DIDO1: variants seen among roughly 807,000 people sequenced by gnomAD.
DIDO1 encodes death inducer-obliterator 1, also known as death-inducer obliterator 1.
DIDO1 carries 16 observed loss-of-function variants against 99.4 expected under a neutral mutation model. The ratio of observed to expected loss-of-function variants is 0.16; its 90% confidence interval spans 0.11 to 0.24. DIDO1 has a LOEUF of 0.24. DIDO1 is among the 10% of genes least tolerant of loss of function. DIDO1 has a pLI of 1.00. For synonymous variants in DIDO1, 1,366 were observed against 1,239.1 expected (o/e 1.10, Z -2.15); for missense variants, 2,996 against 3,014.0 (o/e 0.99, Z 0.14).
At chr20:62,887,770 T>C (rs1158151055) in intron 15 of DIDO1, 2 of 985,398 alleles carry the variant, frequency 2.0e-6, no homozygotes, top group Non-Finnish European at 2.4e-6. Flanking sequence ...GCCGGGACTC[T>C]GCGACCCCAA....
At chr20:62,887,564 A>G (rs1600918084) in intron 15 of DIDO1, 1 of 985,390 alleles carries the variant, frequency 1.0e-6, no homozygotes, top group Non-Finnish European at 1.2e-6. Flanking sequence ...ATGTTTATGG[A>G]CCGAGGTTAC....
At chr20:62,919,391 T>G (rs2065094973) in intron 1 of DIDO1, among the ~76,000 whole-genome samples, 1 of 151,906 alleles carries the variant, frequency 6.6e-6, no homozygotes, top group Non-Finnish European at 1.5e-5. Context: ...AACACAAAAA[T>G]TAGCAGGGCT....
chr20:62,890,842 C>T (rs757165397), intron 15 of DIDO1, 118 bp downstream of exon 15: 384 of 1,585,860 alleles, frequency 2.4e-4, no homozygotes, highest in Non-Finnish European at 3.1e-4. Context: ...TGCGTCTGTG[C>T]TCCTAACTCC....
chr20:62,879,866 G>A lies in DIDO1; in HGVS notation c.6090C>T (p.Pro2030=). 1 of 1,594,276 alleles carries A rather than the reference G, an allele frequency of 6.3e-7. No individual in the cohort carries two copies. Among genetic ancestry groups the A allele is most frequent in the Non-Finnish European group, 8.5e-7 (1 of 1,171,524 alleles). Residue 2030 remains proline, a synonymous_variant, in exon 16 of 16, where the codon CCC becomes CCT. Transcript: ENST00000395343. The surrounding 1 kb of genome is among the most constrained non-coding windows in gnomAD (Gnocchi z 6.3). The part of the protein sequence containing the change: ...KPGPRPLLEL[P]SHPPQHRKDR... ...CCTTCCGGTGCTGCGGGGGGTGGCTGGGAAGCTCCAGCAGGGGCCTGGGGC... is the reference window on the plus strand; with the variant it reads ...CCTTCCGGTGCTGCGGGGGGTGGCTAGGAAGCTCCAGCAGGGGCCTGGGGC...
chr20:62,929,178 G>C (rs907440558), upstream of DIDO1: 9 of 152,370 alleles, frequency 5.9e-5, no homozygotes, highest in African/African-American at 2.2e-4. Flanking sequence ...CGGCAGAGAC[G>C]GCCCGTCCTC....
At chr20:62,927,151 G>C (rs967080773), upstream of DIDO1, among the ~76,000 whole-genome samples, 3 of 152,148 alleles carry the variant, frequency 2.0e-5, no homozygotes, top group Non-Finnish European at 2.9e-5. Context: ...GAAGGGAGGC[G>C]GGCACGCTGG....
At chr20:62,888,538 T>C in intron 15 of DIDO1, 1 of 985,512 alleles carries the variant, frequency 1.0e-6, no homozygotes, top group Non-Finnish European at 1.2e-6. Flanking sequence ...CACAGCTCTG[T>C]GGAGTCACCA....
intron 1 of DIDO1, among the ~76,000 whole-genome samples, chr20:62,936,512 G>GA (rs1555855087): frequency 6.6e-6 from 1 of 151,134 alleles, no homozygotes; most frequent in Non-Finnish European, 1.5e-5. Flanking sequence ...TCGAGATCAT[G>GA]ACAGTGCACT....
intron 1 of DIDO1, among the ~76,000 whole-genome samples, chr20:62,918,804 G>A (rs1424876963): frequency 6.7e-6 from 1 of 149,678 alleles, no homozygotes. Context: ...CCTATTAAGG[G>A]TCTCCTGGCT....
chr20:62,924,230 G>C lies in DIDO1; in HGVS notation c.-200+2209C>G, dbSNP rs570087827. ...CGTCATTTAAATAAGAAATGTAAGT[G>C]AGAGACTCTGTTTAGAGAGAATTTT... On this transcript the variant is annotated intron_variant, in intron 1 of 15. Transcript: ENST00000395343. 1.4e-4 allele frequency among the ~76,000 whole-genome samples: 21 copies of C among 152,172 alleles called. No homozygotes were observed. The South Asian group carries it at 4.0e-3, about 29-fold the overall frequency.
rs1397283573 is a variant in DIDO1 at position 62,922,211 on chromosome 20, CATATATATACACACACACACAT to C, written c.-200+4206_-200+4227del. Among the ~76,000 whole-genome samples the C allele has an allele frequency of 2.1e-4, 19 of 90,998 alleles. No homozygotes were observed. In the East Asian group the frequency reaches 3.6e-3, roughly 17 times the overall value. The allele number at this position is 90,998 out of a possible 152,430, so 59.7% of individuals were successfully genotyped here. A position where few individuals can be genotyped will look rare whatever the true frequency, so the allele number is the denominator to read the frequency against. On this transcript the variant is annotated intron_variant, in intron 1 of 15. Transcript: ENST00000395343. ...GTGTGTGTGTGTATATATATATGTA[CATATATATACACACACACACAT>C]ATATATATATACACACACACACATA... is the stretch of plus-strand genomic sequence containing the variant.
At chr20:62,892,630 G>C (rs978560630) in intron 13 of DIDO1, among the ~76,000 whole-genome samples, 179 bp downstream of exon 13, 1 of 152,142 alleles carries the variant, frequency 6.6e-6, no homozygotes, top group Admixed American at 6.5e-5. Context: ...GACTCATCAC[G>C]GCCATCGCCA....
Position 62,910,759 on chromosome 20 carries a change from C to A in DIDO1, c.839+15G>T. ...GCAACCCTGGGATTTCTGTGGGTGC[C>A]CACACATGACCCACCTGTTGTTGTG... On this transcript the variant is annotated intron_variant, in intron 3 of 15. Transcript: ENST00000395343. The A allele has an allele frequency of 6.3e-7, 1 of 1,598,124 alleles. No homozygotes were observed. Among genetic ancestry groups the A allele is most frequent in the Non-Finnish European group, 8.6e-7 (1 of 1,168,118 alleles).
chr20:62,910,631 T>G, intron 3 of DIDO1, 143 bp downstream of exon 3: 2 of 1,020,956 alleles, frequency 2.0e-6, no homozygotes, highest in Non-Finnish European at 2.9e-6. Flanking sequence ...TAGCCACTCT[T>G]ATGTGTTTCT....
chr20:62,897,817 G>A lies in DIDO1; in HGVS notation c.1589-821C>T, dbSNP rs112733800. On this transcript the variant is annotated intron_variant, in intron 6 of 15. Transcript: ENST00000395343. ...CCCTCGAGCAGGGGACAGACGGCGTGCCAGGGGACAGATGGCCAGGGGACA... is the reference window on the plus strand; with the variant it reads ...CCCTCGAGCAGGGGACAGACGGCGTACCAGGGGACAGATGGCCAGGGGACA... 5.6e-3 allele frequency among the ~76,000 whole-genome samples: 849 copies of A among 152,328 alleles called. 5 individuals are homozygous for A. The highest frequency in any genetic ancestry group is 0.019 in the African/African-American group (771 of 41,562).
intron 6 of DIDO1, among the ~76,000 whole-genome samples, chr20:62,903,751 C>T (rs1441884739): frequency 6.6e-6 from 1 of 152,194 alleles, no homozygotes; most frequent in Non-Finnish European, 1.5e-5. Flanking sequence ...TGGAAATCCA[C>T]CAATTTTAAC....
rs572567235 is a variant in DIDO1 at position 62,923,619 on chromosome 20, C to T, written c.-200+2820G>A. On this transcript the variant is annotated intron_variant, in intron 1 of 15. Coordinates refer to ENST00000395343, the MANE Select transcript of DIDO1 (RefSeq NM_001193369.2). ...GTTCACTAGTGCAAAACAGCTGTAA[C>T]GTGGAGCTTTTCTGGACAGCACCCT... 2.6e-5 allele frequency among the ~76,000 whole-genome samples: 4 copies of T among 152,338 alleles called. No homozygotes were observed. The South Asian group carries it at 8.3e-4, about 32-fold the overall frequency.
chr20:62,932,078 T>G (rs1281900172), intron 1 of DIDO1, among the ~76,000 whole-genome samples: 1 of 152,254 alleles, frequency 6.6e-6, no homozygotes, highest in Non-Finnish European at 1.5e-5. Flanking sequence ...CTTGCTTTGT[T>G]GACCTGGCTG....
At chr20:62,919,679 C>G (rs2065100631) in intron 1 of DIDO1, among the ~76,000 whole-genome samples, 1 of 152,316 alleles carries the variant, frequency 6.6e-6, no homozygotes, top group South Asian at 2.1e-4. Flanking sequence ...TACGCGGAGA[C>G]AAAAAGCAAA....
Sources: allele counts gnomAD v4.1 joint callset (sites outside exome capture counted in the v4.1 genomes callset), GRCh38; gene constraint gnomAD v4.1.1; non-coding constraint Gnocchi (gnomAD v3.1); transcripts MANE v1.5; gene names NCBI Gene and HGNC (gene_info 2026-07-23, HGNC 2026-07-21).